The following VPS45 variants were observed in gnomAD, a reference collection of about 807,000 sequenced individuals.
VPS45 encodes the protein vacuolar protein sorting 45 homolog, also known as vacuolar protein sorting-associated protein 45.
In VPS45, 35 loss-of-function variants were observed where a neutral mutation model predicts 75.9. The observed-to-expected ratio is 0.46, with a 90% CI of 0.35 to 0.61. The LOEUF (loss-of-function observed/expected upper bound fraction) is 0.61. VPS45 is among the 20% of genes least tolerant of loss of function. VPS45 has a pLI of 0.00. For missense variants in VPS45, 559 were observed against 685.9 expected, an observed-to-expected ratio of 0.81 and a Z score of 2.07; for synonymous variants, 220 against 238.2, an observed-to-expected ratio of 0.92 and a Z score of 0.70.
At chr1:150,068,050 A>G in intron 1 of VPS45, 100 bp downstream of exon 1, 1 of 1,238,840 alleles carries the variant, frequency 8.1e-7, no homozygotes, top group South Asian at 1.3e-5. Flanking sequence ...TAAACATACG[A>G]AAATGAGGGT....
chr1:150,119,435 T>C (rs1553809110), intron 14 of VPS45, among the ~76,000 whole-genome samples: 1 of 152,210 alleles, frequency 6.6e-6, no homozygotes, highest in Admixed American at 6.5e-5. Flanking sequence ...CTGTAATATA[T>C]GGGTTATTTC....
intron 14 of VPS45, among the ~76,000 whole-genome samples, chr1:150,121,881 G>A (rs144723582): frequency 5.3e-5 from 8 of 152,168 alleles, no homozygotes; most frequent in African/African-American, 1.9e-4. Flanking sequence ...TAACAAATAG[G>A]TATATTTTAT....
intron 14 of VPS45, among the ~76,000 whole-genome samples, chr1:150,113,903 A>AAAG (rs587716714): frequency 8.5e-5 from 13 of 152,112 alleles, no homozygotes; most frequent in East Asian, 1.9e-4. Context: ...TCAAAGAAAA[A>AAAG]AAGAAGAAGA....
At chr1:150,099,538 G>A (rs1553803763) in intron 13 of VPS45, among the ~76,000 whole-genome samples, 1 of 150,296 alleles carries the variant, frequency 6.7e-6, no homozygotes, top group East Asian at 1.9e-4. Flanking sequence ...CAACAAACTT[G>A]GTATTGAAGG....
chr1:150,104,856 G>A (rs587616851), intron 13 of VPS45, among the ~76,000 whole-genome samples: 1 of 152,322 alleles, frequency 6.6e-6, no homozygotes, highest in Admixed American at 6.5e-5. Flanking sequence ...GCCTCCCAAA[G>A]TGCTGGAATT....
intron 3 of VPS45, among the ~76,000 whole-genome samples, chr1:150,074,171 C>G (rs147848364): frequency 6.6e-6 from 1 of 151,654 alleles, no homozygotes; most frequent in Admixed American, 6.6e-5. Flanking sequence ...CACACCACCA[C>G]GCCCAGCTAA....
At chr1:150,092,865 G>C (rs182847446) in intron 12 of VPS45, among the ~76,000 whole-genome samples, 1 of 93,790 alleles carries the variant, frequency 1.1e-5, no homozygotes, top group Non-Finnish European at 1.9e-5. Flanking sequence ...TTTTTGAGAC[G>C]GAGTCTCGCT....
intron 12 of VPS45, 193 bp downstream of exon 12, chr1:150,092,602 A>G (rs1553802193): frequency 1.3e-5 from 5 of 382,534 alleles, no homozygotes. Context: ...AGCCGTATCA[A>G]CATTGGACCA....
rs901636901 is a variant in VPS45 at position 150,143,947 on chromosome 1, C to T, written c.1626-762C>T. Reference sequence around the variant, plus strand: ...CCGCATGCATATATGCATATATACACACACATGGCTTTAAACGGTGCTCAG... The same window carrying T: ...CCGCATGCATATATGCATATATACATACACATGGCTTTAAACGGTGCTCAG... On this transcript the variant is annotated intron_variant, in intron 14 of 14. Transcript: ENST00000644510. Among the ~76,000 whole-genome samples the T allele has an allele frequency of 2.0e-5, 3 of 152,264 alleles. No individual in the cohort carries two copies. In the East Asian group the frequency reaches 5.8e-4, roughly 29 times the overall value.
intron 3 of VPS45, among the ~76,000 whole-genome samples, chr1:150,074,955 C>CTTTTTTT (rs782039324): frequency 1.2e-4 from 10 of 81,108 alleles, no homozygotes; most frequent in South Asian, 4.3e-4. Context: ...ATTATTTATT[C>CTTTTTTT]TTTTTTTTTT....
At chr1:150,115,486 T>G (rs57545744) in intron 14 of VPS45, among the ~76,000 whole-genome samples, 4,110 of 152,316 alleles carry the variant, frequency 0.027, 141 homozygotes, top group African/African-American at 0.089. Context: ...GAAGTATGTG[T>G]AGGTCTAATT....
chr1:150,069,875 T>C (rs1034939984), intron 2 of VPS45, among the ~76,000 whole-genome samples: 7 of 152,204 alleles, frequency 4.6e-5, no homozygotes, highest in Admixed American at 4.6e-4. Context: ...AATCCTTGAA[T>C]GACTTCTCAT....
intron 14 of VPS45, among the ~76,000 whole-genome samples, chr1:150,136,459 G>A (rs1659104296): frequency 6.6e-6 from 1 of 151,796 alleles, no homozygotes; most frequent in Non-Finnish European, 1.5e-5. Context: ...GGAGGCTAAG[G>A]CAAGAGAATT....
chr1:150,086,395 G>A lies in VPS45; in HGVS notation c.1104+3512G>A, dbSNP rs191707611. Among the ~76,000 whole-genome samples the A allele has an allele frequency of 1.5e-4, 23 of 152,080 alleles. No homozygotes were observed. The East Asian group carries it at 3.3e-3, about 22-fold the overall frequency. On this transcript the variant is annotated intron_variant, in intron 10 of 14. Coordinates refer to ENST00000644510, the MANE Select transcript of VPS45 (RefSeq NM_007259.5). ...AACATTAAGAGTATTATTATTTGAT[G>A]GTACATTTAATTTTCTTAATGGCAT... is the stretch of plus-strand genomic sequence containing the variant.
In VPS45 at chr1:150,075,544, T is replaced by C. The variant is rs1412185649; in HGVS notation, c.290-689T>C. ...ATGCTCAATGCCTGGGTCCATTCAATTGATTCATTGGGGGTTAGAAAAAAT... is the reference window on the plus strand; with the variant it reads ...ATGCTCAATGCCTGGGTCCATTCAACTGATTCATTGGGGGTTAGAAAAAAT... On this transcript the variant is annotated intron_variant, in intron 3 of 14. Coordinates refer to ENST00000644510, the MANE Select transcript of VPS45 (RefSeq NM_007259.5). Among the ~76,000 whole-genome samples, 5 of 152,314 alleles carry C rather than the reference T, an allele frequency of 3.3e-5. No individual in the cohort carries two copies. In the South Asian group the frequency reaches 8.3e-4, roughly 25 times the overall value.
chr1:150,079,678 C>T lies in VPS45; in HGVS notation c.688-1664C>T, dbSNP rs185337710. 1.6e-3 allele frequency among the ~76,000 whole-genome samples: 237 copies of T among 152,278 alleles called. 1 individual carries two copies. Among genetic ancestry groups the T allele is most frequent in the African/African-American group, 5.3e-3 (222 of 41,554 alleles). ...CTGCCCGACTCGGCCTCCCAAAGTGCTAAGATGACAGGCGTGAGCCACCAC... is the reference window on the plus strand; with the variant it reads ...CTGCCCGACTCGGCCTCCCAAAGTGTTAAGATGACAGGCGTGAGCCACCAC... On this transcript the variant is annotated intron_variant, in intron 7 of 14. Coordinates refer to ENST00000644510, the MANE Select transcript of VPS45 (RefSeq NM_007259.5).
intron 14 of VPS45, among the ~76,000 whole-genome samples, chr1:150,113,363 A>T (rs1042388456): frequency 1.2e-4 from 18 of 152,230 alleles, no homozygotes; most frequent in Non-Finnish European, 2.5e-4. Flanking sequence ...CAGTTATTTC[A>T]TTATGTACGG....
At chr1:150,109,262 C>T (rs1195845771) in intron 13 of VPS45, 1 of 152,164 alleles carries the variant, frequency 6.6e-6, no homozygotes, top group African/African-American at 2.4e-5. Context: ...AACTCCTGAC[C>T]TCAAGTGATC....
intron 14 of VPS45, among the ~76,000 whole-genome samples, chr1:150,118,283 CAAAAA>C (rs1255302690): frequency 1.4e-5 from 1 of 71,704 alleles, no homozygotes; most frequent in Admixed American, 1.6e-4. Context: ...GACCCTGTCT[CAAAAA>C]AAAAAAAAAA....
Sources: allele counts gnomAD v4.1 joint callset (sites outside exome capture counted in the v4.1 genomes callset), GRCh38; gene constraint gnomAD v4.1.1; transcripts MANE v1.5; gene names NCBI Gene and HGNC (gene_info 2026-07-23, HGNC 2026-07-21).